The following SLC17A1 variants were observed in gnomAD, a reference collection of about 807,000 sequenced individuals.
The protein encoded by SLC17A1 is solute carrier family 17 member 1.
In SLC17A1, 51 loss-of-function variants were observed where a neutral mutation model predicts 53.5. The observed-to-expected ratio is 0.95, with a 90% CI of 0.76 to 1.20. The LOEUF (loss-of-function observed/expected upper bound fraction) is 1.20. SLC17A1 is among the 50% of genes most tolerant of loss of function. SLC17A1 has a pLI of 0.00. For missense variants in SLC17A1, 538 were observed against 568.2 expected, an observed-to-expected ratio of 0.95 and a Z score of 0.54; for synonymous variants, 179 against 198.8, an observed-to-expected ratio of 0.90 and a Z score of 0.84.
At chr6:25,744,168 A>G in the SLC17A1 span, among the ~76,000 whole-genome samples, 3 of 152,238 alleles carry the variant, frequency 2.0e-5, no homozygotes, top group Non-Finnish European at 4.4e-5. Context: ...GTCAGTTGAC[A>G]CAAACCTTTG....
At chr6:25,729,676 G>T in the SLC17A1 span, among the ~76,000 whole-genome samples, 1 of 152,050 alleles carries the variant, frequency 6.6e-6, no homozygotes, top group African/African-American at 2.4e-5. Context: ...TACTGTAAAT[G>T]AGGTATTTCC....
At chr6:25,738,960 T>C in the SLC17A1 span, among the ~76,000 whole-genome samples, 2 of 152,302 alleles carry the variant, frequency 1.3e-5, no homozygotes. Context: ...ACAGATCACC[T>C]TGGGAAACAT....
chr6:25,726,489 G>A, the SLC17A1 span: 13 of 1,612,516 alleles, frequency 8.1e-6, no homozygotes, highest in East Asian at 6.7e-5. Context: ...ACTTAGACTT[G>A]GCGCGTGCTT....
At chr6:25,779,816 C>T (rs75657640), downstream of SLC17A1, 2,749 of 152,268 alleles carry the variant, frequency 0.018, 76 homozygotes, top group African/African-American at 0.06. Flanking sequence ...TCTTTCTGGC[C>T]ATCTTGACTT....
At chr6:25,805,877 A>G (rs1763935961) in intron 10 of SLC17A1, among the ~76,000 whole-genome samples, 1 of 151,932 alleles carries the variant, frequency 6.6e-6, no homozygotes, top group Non-Finnish European at 1.5e-5. Context: ...CAGTAATTTT[A>G]AAAAATTGCC....
chr6:25,814,983 T>TCTCACACACA (rs773502408), intron 6 of SLC17A1, among the ~76,000 whole-genome samples: 45 of 140,542 alleles, frequency 3.2e-4, no homozygotes, highest in Admixed American at 1.1e-3. Context: ...CAAGACTCTG[T>TCTCACACACA]CACACAAACA....
the SLC17A1 span, among the ~76,000 whole-genome samples, chr6:25,750,787 G>T: frequency 3.9e-5 from 6 of 151,924 alleles, no homozygotes; most frequent in Admixed American, 2.6e-4. Context: ...TGTGTGTGTG[G>T]GGGGAGGGGG....
chr6:25,826,668 A>G (rs760151843), intron 2 of SLC17A1, 35 bp from the exon 3 acceptor site: 9 of 1,487,166 alleles, frequency 6.1e-6, no homozygotes, highest in Non-Finnish European at 8.1e-6. Context: ...AATTGCTGAC[A>G]GAGCTGAGAT....
the SLC17A1 span, chr6:25,776,864 C>T: frequency 1.2e-6 from 2 of 1,613,952 alleles, no homozygotes; most frequent in Non-Finnish European, 1.7e-6. Flanking sequence ...TCAGATCCAG[C>T]CACAGCATGA....
At chr6:25,795,125 T>G (rs932367050) in intron 12 of SLC17A1, among the ~76,000 whole-genome samples, 1 of 152,166 alleles carries the variant, frequency 6.6e-6, no homozygotes, top group Non-Finnish European at 1.5e-5. Flanking sequence ...CATACTGGTG[T>G]TCCCAGAGCC....
In SLC17A1 at chr6:25,811,672, G is replaced by T. The variant is rs757219937; in HGVS notation, c.996C>A (p.Ser332Arg). Reference sequence around the variant, plus strand: ...TGAAGAGTTTCCGGACAGCAATTACGCTGAGAATATTCCTGGTCAGGAAGA... The same window carrying T: ...TGAAGAGTTTCCGGACAGCAATTACTCTGAGAATATTCCTGGTCAGGAAGA... Reference protein sequence around the residue: ...SDFFLTRNILSVIAVRKLFTA... With the variant: ...SDFFLTRNILRVIAVRKLFTA... Residue 332 changes from serine to arginine, a missense_variant, in exon 9 of 13, where the codon AGC (serine) becomes AGA (arginine). Transcript: ENST00000244527. 2.5e-6 allele frequency: 4 copies of T among 1,613,886 alleles called. No homozygotes were observed. The Admixed American group carries it at 6.7e-5, about 27-fold the overall frequency.
intron 1 of SLC17A1, 112 bp from the exon 2 acceptor site, chr6:25,830,719 C>T: frequency 1.7e-6 from 1 of 591,536 alleles, no homozygotes; most frequent in South Asian, 2.5e-5. Flanking sequence ...CTTGCTCCAT[C>T]ACAGCAGTGC....
At chr6:25,756,846 C>T in the SLC17A1 span, among the ~76,000 whole-genome samples, 5 of 152,110 alleles carry the variant, frequency 3.3e-5, no homozygotes, top group African/African-American at 7.2e-5. Context: ...TTGGAACACT[C>T]GAAGAGTCTG....
intron 10 of SLC17A1, among the ~76,000 whole-genome samples, chr6:25,803,755 A>G (rs567656438): frequency 3.9e-5 from 6 of 152,228 alleles, no homozygotes; most frequent in South Asian, 2.1e-4. Flanking sequence ...ATGAATATGG[A>G]CATAATAGCA....
chr6:25,740,362 A>G, the SLC17A1 span, among the ~76,000 whole-genome samples: 1 of 151,410 alleles, frequency 6.6e-6, no homozygotes, highest in African/African-American at 2.4e-5. Context: ...ACAAGATATA[A>G]CTTCAAGCAT....
chr6:25,803,801 G>C (rs1038071746), intron 10 of SLC17A1, among the ~76,000 whole-genome samples: 1 of 152,038 alleles, frequency 6.6e-6, no homozygotes, highest in Admixed American at 6.5e-5. Flanking sequence ...CACAGTGCTT[G>C]CCAGAGTATG....
the SLC17A1 span, chr6:25,726,159 A>G: frequency 1.3e-6 from 2 of 1,558,334 alleles, no homozygotes; most frequent in Non-Finnish European, 8.7e-7. Flanking sequence ...TATGGTGGTG[A>G]CTCTCAGTCT....
chr6:25,731,216 T>A, the SLC17A1 span, among the ~76,000 whole-genome samples: 1 of 152,222 alleles, frequency 6.6e-6, no homozygotes, highest in Non-Finnish European at 1.5e-5. Flanking sequence ...GGAGTTAGCC[T>A]GATCACTTTT....
the SLC17A1 span, among the ~76,000 whole-genome samples, chr6:25,752,549 A>G: frequency 6.6e-6 from 1 of 152,238 alleles, no homozygotes; most frequent in African/African-American, 2.4e-5. Flanking sequence ...TCAATAATAA[A>G]TTCTAGCTTA....
Sources: gnomAD v4.1 joint callset for allele counts (sites outside exome capture counted in the v4.1 genomes callset) on GRCh38, gnomAD v4.1.1 for gene constraint, MANE v1.5 for transcripts, NCBI Gene and HGNC (gene_info 2026-07-23, HGNC 2026-07-21) for gene names.